Variants in TYRO3 observed in about 807,000 individuals in gnomAD.
TYRO3 encodes tyrosine-protein kinase receptor TYRO3.
TYRO3 carries 38 observed loss-of-function variants against 95.2 expected under a neutral mutation model. The ratio of observed to expected loss-of-function variants is 0.40; its 90% confidence interval spans 0.31 to 0.52. The LOEUF (loss-of-function observed/expected upper bound fraction) is 0.52, where lower values mean the gene tolerates loss of function less well. Among genes scored for constraint, TYRO3 ranks in the 20% least tolerant of loss-of-function variants. The probability of loss-of-function intolerance (pLI) is 0.56; values close to 1 mark genes in which losing one functional copy is unlikely to be tolerated. For synonymous variants in TYRO3, 367 were observed against 432.9 expected (o/e 0.85, Z 1.89); for missense variants, 812 against 1,116.4 (o/e 0.73, Z 3.89).
rs747217557 is a variant in TYRO3, at chr15:41,568,345, C to T, written c.1090C>T (p.Gln364Ter). 1 of 1,613,958 alleles carries T rather than the reference C, an allele frequency of 6.2e-7. No individual in the cohort carries two copies. Among genetic ancestry groups the T allele is most frequent in the Non-Finnish European group, 8.5e-7 (1 of 1,179,958 alleles). ...PLGPYKLSWV[Q>*]DNGTQDELTV... ...GGGACCCTACAAACTGTCCTGGGTTCAAGACAATGGAACCCAGGTAAGACA... is the reference window on the plus strand; with the variant it reads ...GGGACCCTACAAACTGTCCTGGGTTTAAGACAATGGAACCCAGGTAAGACA... Residue 364 changes from glutamine (Q) to a stop codon, truncating the protein, a stop_gained, in exon 8 of 19, where the codon CAA (glutamine) becomes TAA (stop). Coordinates refer to ENST00000263798, the MANE Select transcript of TYRO3 (RefSeq NM_006293.4). LOFTEE classifies it high-confidence loss of function.
chr15:41,566,866 A>ATATTTAATATGTCTATAGC (rs1193957953), intron 6 of TYRO3, among the ~76,000 whole-genome samples: 1 of 152,260 alleles, frequency 6.6e-6, no homozygotes, highest in African/African-American at 2.4e-5. Context: ...ATATTTAGAC[A>ATATTTAATATGTCTATAGC]TATAGTACGT....
Position 41,567,364 on chromosome 15 carries a change from C to T in TYRO3, c.788C>T (p.Thr263Ile). The T allele has an allele frequency of 1.3e-6, 2 of 1,546,964 alleles. No homozygotes were observed. The highest frequency in any genetic ancestry group is 1.7e-6 in the Non-Finnish European group (2 of 1,155,196). The change falls in exon 7 of 19, where the codon ACA (threonine) becomes ATA (isoleucine). Residue 263 changes from threonine (T) to isoleucine (I), a missense_variant. Physicochemically the swap from Thr to Ile is moderately conservative, Grantham distance 89 (BLOSUM62 -1). Coordinates refer to ENST00000263798, the MANE Select transcript of TYRO3 (RefSeq NM_006293.4). ...ALLQSCTVQV[T>I]QAPGGWEVLA... ...TAGTTTTCTGCTTTTCTGTAGGTGACACAGGCCCCAGGAGGCTGGGAAGTC... is the reference window on the plus strand; with the variant it reads ...TAGTTTTCTGCTTTTCTGTAGGTGATACAGGCCCCAGGAGGCTGGGAAGTC...
chr15:41,570,352 G>A lies in TYRO3; in HGVS notation c.1483+12G>A. On this transcript the variant is annotated intron_variant, in intron 11 of 18. Transcript: ENST00000263798. The stretch of plus-strand genomic sequence containing the variant: ...CATCGAGGCCACATGTGAGTGGTGG[G>A]TGATCGTGGGAAGGACAAATGGGCT... 2 of 1,612,886 alleles carry A rather than the reference G, an allele frequency of 1.2e-6. No individual in the cohort carries two copies. Among genetic ancestry groups the A allele is most frequent in the African/African-American group, 1.3e-5 (1 of 75,042 alleles).
At chr15:41,572,679 G>A in intron 15 of TYRO3, 115 bp downstream of exon 15, 2 of 1,331,272 alleles carry the variant, frequency 1.5e-6, no homozygotes, top group African/African-American at 1.5e-5. Context: ...GGAGCTGGGT[G>A]GGAGTAGGAG....
chr15:41,571,428 G>C (rs1405268769), intron 13 of TYRO3, 167 bp from the exon 14 acceptor site: 1 of 623,618 alleles, frequency 1.6e-6, no homozygotes, highest in African/African-American at 1.8e-5. Context: ...AAGTGGAGAA[G>C]TTGCTAAGTA....
Position 41,571,471 on chromosome 15 carries a change from G to C in TYRO3, c.1661-124G>C, listed in dbSNP as rs558911066. The C allele has an allele frequency of 7.0e-6, 5 of 712,706 alleles. No homozygotes were observed. The East Asian group carries it at 1.3e-4, about 18-fold the overall frequency. 44.1% of individuals were successfully genotyped at this position (712,706 alleles called of 1,614,324 possible). ...TCCTTGGGGGTTTCTCCTGCTCATG[G>C]CTGGGCTGTTTCCTGGGCTCCCTGG... On this transcript the variant is annotated intron_variant, in intron 13 of 18. Transcript: ENST00000263798.
intron 18 of TYRO3, 101 bp downstream of exon 18, chr15:41,573,916 T>C: frequency 8.7e-7 from 1 of 1,149,370 alleles, no homozygotes; most frequent in Non-Finnish European, 1.2e-6. Context: ...TGTTTTTTGA[T>C]AGAAACATCC....
Position 41,564,275 on chromosome 15 carries a change from G to T in TYRO3, c.667+5G>T. On this transcript the variant is annotated splice_donor_5th_base_variant and intron_variant, in intron 5 of 18. Transcript: ENST00000263798. ...CAGCCACTGTTCACCTTCAAGGTAGGAGGGCTGGCAGGGAGGAAGGGTGGA... is the reference window on the plus strand; with the variant it reads ...CAGCCACTGTTCACCTTCAAGGTAGTAGGGCTGGCAGGGAGGAAGGGTGGA... The T allele has an allele frequency of 6.2e-7, 1 of 1,613,910 alleles. No individual in the cohort carries two copies. Among genetic ancestry groups the T allele is most frequent in the Non-Finnish European group, 8.5e-7 (1 of 1,179,834 alleles).
At chr15:41,570,546 G>T (rs536767376) in intron 11 of TYRO3, 58 bp from the exon 12 acceptor site, 3,416 of 1,431,476 alleles carry the variant, frequency 2.4e-3, no homozygotes, top group Non-Finnish European at 3.1e-3. Flanking sequence ...GGTATAAGAG[G>T]CTGGGTTTTG....
Position 41,562,737 on chromosome 15 carries a change from G to C in TYRO3, c.580+19G>C. On this transcript the variant is annotated intron_variant, in intron 4 of 18. Coordinates refer to ENST00000263798, the MANE Select transcript of TYRO3 (RefSeq NM_006293.4). ...GTAACAGGTGAGCAGCCTCAGAAGG[G>C]GGCTGGGAGTGGAGAAGGAGCTGGG... is the stretch of plus-strand genomic sequence containing the variant. 1 of 1,581,586 alleles carries C rather than the reference G, an allele frequency of 6.3e-7. No homozygotes were observed. The highest frequency in any genetic ancestry group is 1.3e-5 in the African/African-American group (1 of 74,576).
Position 41,570,626 on chromosome 15 carries a change from T to C in TYRO3, c.1506T>C (p.Asp502=). The change falls in exon 12 of 19, where the codon GAT becomes GAC. Residue 502 remains aspartate, a synonymous_variant. Coordinates refer to ENST00000263798, the MANE Select transcript of TYRO3 (RefSeq NM_006293.4). ...EATLDSLGIS[D]ELKEKLEDVL... is the part of the protein sequence containing the mutation. ...CAGTGGACAGCTTGGGCATCAGCGA[T>C]GAACTAAAGGAAAAACTGGAGGATG... 6.2e-7 allele frequency: 1 copy of C among 1,614,118 alleles called. No homozygotes were observed. The highest frequency in any genetic ancestry group is 8.5e-7 in the Non-Finnish European group (1 of 1,180,024).
chr15:41,565,369 C>A (rs1396475215), intron 6 of TYRO3, among the ~76,000 whole-genome samples: 1 of 152,040 alleles, frequency 6.6e-6, no homozygotes, highest in East Asian at 1.9e-4. Flanking sequence ...GGTTGGAAAG[C>A]AGATCACTAG....
rs1181549391 is a variant in TYRO3, at chr15:41,578,280, A to C, written c.*4A>C. On this transcript the variant is annotated 3_prime_UTR_variant, in exon 19 of 19. Transcript: ENST00000263798. ...ACTGCCACACAGTAGCTGTTAGCCC[A>C]CAGGCAGAGGGCATCGGGGCCATTT... 1.9e-6 allele frequency: 3 copies of C among 1,613,090 alleles called. No homozygotes were observed. The highest frequency in any genetic ancestry group is 2.5e-6 in the Non-Finnish European group (3 of 1,180,020).
chr15:41,569,555 G>C (rs1257303694), intron 9 of TYRO3, among the ~76,000 whole-genome samples: 1 of 152,148 alleles, frequency 6.6e-6, no homozygotes, highest in Non-Finnish European at 1.5e-5. Context: ...AGGATTGCTT[G>C]AGTCTAGGAG....
intron 11 of TYRO3, 50 bp downstream of exon 11, chr15:41,570,390 A>T: frequency 7.0e-7 from 1 of 1,420,666 alleles, no homozygotes; most frequent in Non-Finnish European, 9.6e-7. Flanking sequence ...CTTGTGCCCC[A>T]TCTGCATTCT....
rs956743212 is a variant in TYRO3 at position 41,559,268 on chromosome 15, G to C, written c.11G>C (p.Arg4Thr). ...GCGGCGTCGCCGCCGATGGCGCTGA[G>C]GCGGAGCATGGGGCGGCCGGGGCTC... MAL[R>T]RSMGRPGLPP... Residue 4 changes from arginine (R) to threonine (T), a missense_variant, in exon 1 of 19, where the codon AGG becomes ACG. Coordinates refer to ENST00000263798, the MANE Select transcript of TYRO3 (RefSeq NM_006293.4). 2 of 450,796 alleles carry C rather than the reference G, an allele frequency of 4.4e-6. No individual in the cohort carries two copies. The highest frequency in any genetic ancestry group is 2.2e-4 in the South Asian group (2 of 9,224). 27.9% of individuals were successfully genotyped at this position (450,796 alleles called of 1,614,324 possible).
chr15:41,561,595 G>T lies in TYRO3; in HGVS notation c.365G>T (p.Gly122Val). The T allele has an allele frequency of 6.3e-7, 1 of 1,594,644 alleles. No individual in the cohort carries two copies. Among genetic ancestry groups the T allele is most frequent in the Non-Finnish European group, 8.5e-7 (1 of 1,172,298 alleles). Residue 122 changes from glycine (G) to valine (V), a missense_variant, in exon 3 of 19, where the codon GGG becomes GTG. Gly to Val is a moderately radical substitution (Grantham distance 109). Transcript: ENST00000263798. ...CGGTACTGGTGCCAGGTGGAGGATG[G>T]GGGTGAAACCGAGATCTCCCAGCCA... ...AGRYWCQVED[G>V]GETEISQPVW...
chr15:41,565,559 C>T (rs2055711385), intron 6 of TYRO3, among the ~76,000 whole-genome samples: 1 of 150,388 alleles, frequency 6.6e-6, no homozygotes, highest in South Asian at 2.1e-4. Context: ...GGATTACAGT[C>T]ATGCACCACC....
chr15:41,561,755 G>C, intron 3 of TYRO3, 116 bp downstream of exon 3: 2 of 739,112 alleles, frequency 2.7e-6, no homozygotes, highest in Admixed American at 6.1e-5. Context: ...GCTCTGTGGG[G>C]CCTGGTTGTC....
Sources: gnomAD v4.1 joint callset for allele counts (sites outside exome capture counted in the v4.1 genomes callset) on GRCh38, gnomAD v4.1.1 for gene constraint, MANE v1.5 for transcripts, NCBI Gene and HGNC (gene_info 2026-07-23, HGNC 2026-07-21) for gene names.